Variants in DENND1B observed in about 807,000 individuals in gnomAD.
DENND1B encodes the protein DENN domain containing 1B.
Under a neutral mutation model 90.1 loss-of-function variants are expected in DENND1B, and 59 were observed. The ratio of observed to expected loss-of-function variants is 0.65; its 90% CI spans 0.53 to 0.81. DENND1B has a LOEUF of 0.81. Ranked by LOEUF, DENND1B falls within the 40% of genes least tolerant of loss-of-function variation. The pLI, the probability that DENND1B is intolerant of heterozygous loss-of-function variation, is 0.00. For missense variants in DENND1B, 862 were observed against 912.6 expected (o/e 0.94, Z 0.71); for synonymous variants, 337 against 324.6 (o/e 1.04, Z -0.41).
chr1:197,658,095 T>C (rs1654031969), intron 6 of DENND1B, among the ~76,000 whole-genome samples: 1 of 151,940 alleles, frequency 6.6e-6, no homozygotes, highest in Non-Finnish European at 1.5e-5. Context: ...ATGGTAAGGG[T>C]TGGGGAGGAA....
upstream of DENND1B, among the ~76,000 whole-genome samples, chr1:197,776,027 T>C (rs1657251078): frequency 6.6e-6 from 1 of 152,218 alleles, no homozygotes; most frequent in African/African-American, 2.4e-5. Context: ...CCCACTTGTC[T>C]GCGCATGTGG....
Position 197,645,105 on chromosome 1 carries a change from G to A in DENND1B, c.561+585C>T, listed in dbSNP as rs116613142. On this transcript the variant is annotated intron_variant, in intron 9 of 22. Transcript: ENST00000620048. Reference sequence around the variant, plus strand: ...AAAATACTGAAAATAGTTCTAGTATGGCTAGAATTAGGACTCTAAATAAAA... The same window carrying A: ...AAAATACTGAAAATAGTTCTAGTATAGCTAGAATTAGGACTCTAAATAAAA... Among the ~76,000 whole-genome samples the A allele has an allele frequency of 2.7e-3, 403 of 151,992 alleles. 1 individual carries two copies. Among genetic ancestry groups the A allele is most frequent in the African/African-American group, 8.1e-3 (337 of 41,464 alleles).
chr1:197,633,735 T>A (rs1319935169), intron 10 of DENND1B, among the ~76,000 whole-genome samples: 1 of 152,108 alleles, frequency 6.6e-6, no homozygotes, highest in African/African-American at 2.4e-5. Context: ...GCCTTTCTAC[T>A]GCCTGGTTCC....
chr1:197,690,226 G>C, intron 3 of DENND1B: 1 of 285,994 alleles, frequency 3.5e-6, no homozygotes, highest in Non-Finnish European at 7.0e-6. Context: ...ACTCGTCATG[G>C]CAATGTTGCT....
intron 2 of DENND1B, among the ~76,000 whole-genome samples, chr1:197,729,687 T>C (rs1353194556): frequency 2.6e-5 from 4 of 152,188 alleles, no homozygotes; most frequent in South Asian, 4.1e-4. Context: ...GACGTGTTTT[T>C]AGTTAGCCCC....
intron 10 of DENND1B, among the ~76,000 whole-genome samples, chr1:197,635,479 G>T (rs187488077): frequency 6.6e-5 from 10 of 152,024 alleles, no homozygotes; most frequent in Admixed American, 6.6e-4. Context: ...TGGGATTACA[G>T]GCGTGTGACA....
rs763892492 is a variant in DENND1B at position 197,672,042 on chromosome 1, G to T, written c.291C>A (p.Ile97=). 2 of 1,611,666 alleles carry T rather than the reference G, an allele frequency of 1.2e-6. No individual in the cohort carries two copies. The highest frequency in any genetic ancestry group is 2.2e-5 in the East Asian group (1 of 44,724). Residue 97 remains isoleucine (I), a synonymous_variant, in exon 5 of 23, where the codon ATC becomes ATA. Coordinates refer to ENST00000620048, the MANE Select transcript of DENND1B (RefSeq NM_001195215.2). ...TTTTTACTACAAATACTCACCTAAG[G>T]ATGCATAAACAAATTGTGCCTCCTG... ...LTSGGTICLC[I]LSYLPWFEVY...
At chr1:197,690,937 T>C (rs1212511682) in intron 3 of DENND1B, among the ~76,000 whole-genome samples, 3 of 151,330 alleles carry the variant, frequency 2.0e-5, no homozygotes, top group African/African-American at 4.9e-5. Flanking sequence ...ATGAAAAAAA[T>C]AGACTTAAAC....
At chr1:197,639,755 T>A (rs1558340443) in intron 10 of DENND1B, among the ~76,000 whole-genome samples, 1 of 152,140 alleles carries the variant, frequency 6.6e-6, no homozygotes, top group African/African-American at 2.4e-5. Flanking sequence ...TTTACATAAA[T>A]TACTTTTAAT....
chr1:197,613,127 CATT>C (rs1677325957), intron 11 of DENND1B, among the ~76,000 whole-genome samples: 1 of 150,698 alleles, frequency 6.6e-6, no homozygotes, highest in Admixed American at 6.6e-5. Flanking sequence ...TTCTAAACAT[CATT>C]GTCATTATTA....
intron 2 of DENND1B, among the ~76,000 whole-genome samples, chr1:197,719,402 A>G (rs768245324): frequency 3.4e-4 from 51 of 152,206 alleles, no homozygotes; most frequent in Non-Finnish European, 6.2e-4. Context: ...AGCCTAAGAC[A>G]GAAGCTGAAG....
At chr1:197,733,442 G>T (rs548705174) in intron 2 of DENND1B, among the ~76,000 whole-genome samples, 2 of 151,960 alleles carry the variant, frequency 1.3e-5, no homozygotes. Flanking sequence ...CTTATTTTAC[G>T]GTCAGAGGTT....
At position 197,617,690 on chromosome 1, in the gene DENND1B, C is replaced by T; in HGVS notation, c.742G>A (p.Val248Met). Residue 248 changes from valine to methionine, a missense_variant, in exon 11 of 23, where the codon GTG (valine) becomes ATG (methionine). By Grantham distance (21) the Val-to-Met change is conservative. Transcript: ENST00000620048. ...PMYWQHIYIP[V>M]LPPHLLDYCC... ...TAGTCCAGCAGGTGTGGAGGAAGCA[C>T]TGGGATGTATATGTGTTGCCAATAC... 1 of 1,607,664 alleles carries T rather than the reference C, an allele frequency of 6.2e-7. No homozygotes were observed. Among genetic ancestry groups the T allele is most frequent in the Non-Finnish European group, 8.5e-7 (1 of 1,175,552 alleles).
At chr1:197,521,600 A>G (rs191707285) in intron 20 of DENND1B, among the ~76,000 whole-genome samples, 74 of 152,074 alleles carry the variant, frequency 4.9e-4, no homozygotes, top group East Asian at 4.5e-3. Context: ...AAGCTTATGT[A>G]TTTTGCAGCC....
rs943508286 is a variant in DENND1B at position 197,562,953 on chromosome 1, C to T, written c.1150-9841G>A. On this transcript the variant is annotated intron_variant, in intron 15 of 22. Transcript: ENST00000620048. ...AAAAGTCAAACGAGCCATGACATTC[C>T]CCTAAGCCAAAGACTAATCCAGAGC... Among the ~76,000 whole-genome samples, 10 of 152,014 alleles carry T rather than the reference C, an allele frequency of 6.6e-5. No homozygotes were observed. In the South Asian group the frequency reaches 2.1e-3, roughly 31 times the overall value.
intron 2 of DENND1B, among the ~76,000 whole-genome samples, chr1:197,715,625 T>C (rs1660568433): frequency 6.6e-6 from 1 of 151,876 alleles, no homozygotes; most frequent in Non-Finnish European, 1.5e-5. Context: ...GGTAAGTAGA[T>C]ATAAAGCAGT....
chr1:197,580,512 T>A (rs1305034835), intron 15 of DENND1B, among the ~76,000 whole-genome samples: 1 of 152,328 alleles, frequency 6.6e-6, no homozygotes, highest in African/African-American at 2.4e-5. Context: ...GGTGATTTCC[T>A]GAAGAGGGAA....
intron 2 of DENND1B, among the ~76,000 whole-genome samples, chr1:197,721,291 G>T (rs1040323743): frequency 6.6e-6 from 1 of 151,538 alleles, no homozygotes; most frequent in African/African-American, 2.4e-5. Context: ...AAATGGTCTC[G>T]ATCTCCTGAC....
intron 3 of DENND1B, 100 bp downstream of exon 3, chr1:197,714,931 C>A: frequency 1.2e-6 from 1 of 837,130 alleles, no homozygotes; most frequent in Non-Finnish European, 2.0e-6. Context: ...TTTTAGCAAT[C>A]CATGTTCACT....
Sources: gnomAD v4.1 joint callset for allele counts (sites outside exome capture counted in the v4.1 genomes callset) on GRCh38, gnomAD v4.1.1 for gene constraint, MANE v1.5 for transcripts, NCBI Gene and HGNC (gene_info 2026-07-23, HGNC 2026-07-21) for gene names.